The following RBPJ variants were observed in gnomAD, a reference collection of about 807,000 sequenced individuals.
The protein encoded by RBPJ is recombination signal binding protein for immunoglobulin kappa J region.
RBPJ carries 9 observed loss-of-function variants against 67.8 expected under a neutral mutation model. The observed-to-expected ratio is 0.13, with a 90% CI of 0.08 to 0.23. The LOEUF is 0.23. Among genes scored for constraint, RBPJ ranks in the 10% least tolerant of loss-of-function variants. The probability of loss-of-function intolerance (pLI) is 1.00; values close to 1 mark genes in which losing one functional copy is unlikely to be tolerated. For synonymous variants in RBPJ, 198 were observed against 203.3 expected, an observed-to-expected ratio of 0.97 and a Z score of 0.22; for missense variants, 305 against 595.6, an observed-to-expected ratio of 0.51 and a Z score of 5.08.
At chr4:26,190,926 A>T (rs1236191629) in intron 1 of RBPJ, among the ~76,000 whole-genome samples, 1 of 151,660 alleles carries the variant, frequency 6.6e-6, no homozygotes, top group Non-Finnish European at 1.5e-5. Context: ...CAGGAGGATC[A>T]CTTGAGCTCA....
At chr4:26,407,285 A>G (rs532862419) in intron 3 of RBPJ, among the ~76,000 whole-genome samples, 1 of 152,326 alleles carries the variant, frequency 6.6e-6, no homozygotes, top group African/African-American at 2.4e-5. Flanking sequence ...GATTATAAAG[A>G]AAACTCCTGG....
chr4:26,221,754 G>A (rs889718111), intron 1 of RBPJ, among the ~76,000 whole-genome samples: 6 of 152,198 alleles, frequency 3.9e-5, no homozygotes, highest in Non-Finnish European at 8.8e-5. Flanking sequence ...TCGGTAGGAT[G>A]ACCATAGTTA....
At chr4:26,309,848 G>T (rs1722366335) in intron 1 of RBPJ, among the ~76,000 whole-genome samples, 1 of 152,110 alleles carries the variant, frequency 6.6e-6, no homozygotes, top group South Asian at 2.1e-4. Flanking sequence ...GTTATAAAAA[G>T]AACAAATCTA....
At chr4:26,170,859 C>A (rs1448125144) in intron 1 of RBPJ, among the ~76,000 whole-genome samples, 1 of 152,196 alleles carries the variant, frequency 6.6e-6, no homozygotes, top group Non-Finnish European at 1.5e-5. Context: ...AATGCTTAAT[C>A]TTTCTGAACT....
chr4:26,140,626 C>CCCCCCA, the RBPJ span, among the ~76,000 whole-genome samples: 2 of 57,712 alleles, frequency 3.5e-5, no homozygotes, highest in Non-Finnish European at 8.7e-5. Context: ...AGCCGCCCCA[C>CCCCCCA]CCCCCCACCC....
chr4:26,120,102 G>T, the RBPJ span, among the ~76,000 whole-genome samples: 1 of 152,250 alleles, frequency 6.6e-6, no homozygotes, highest in Admixed American at 6.5e-5. Flanking sequence ...TGAGGCAGAA[G>T]CTGGAAGTGA....
intron 2 of RBPJ, among the ~76,000 whole-genome samples, chr4:26,397,092 C>G (rs1324703333): frequency 6.6e-6 from 1 of 152,242 alleles, no homozygotes; most frequent in Non-Finnish European, 1.5e-5. Context: ...AAATATCCCT[C>G]TCTTGAAGAT....
At chr4:26,257,953 T>A (rs948974499) in intron 1 of RBPJ, among the ~76,000 whole-genome samples, 4 of 152,222 alleles carry the variant, frequency 2.6e-5, no homozygotes, top group African/African-American at 9.6e-5. Context: ...AAAGTGTGTG[T>A]TTCTGCACAT....
At chr4:26,287,431 T>C (rs955301782) in intron 1 of RBPJ, among the ~76,000 whole-genome samples, 1 of 151,196 alleles carries the variant, frequency 6.6e-6, no homozygotes, top group East Asian at 2.0e-4. Flanking sequence ...CATGCTCCTG[T>C]AGTCCCAGTT....
chr4:26,234,830 T>C (rs1050222476), intron 1 of RBPJ, among the ~76,000 whole-genome samples: 4 of 152,158 alleles, frequency 2.6e-5, no homozygotes, highest in African/African-American at 7.2e-5. Flanking sequence ...GTAGCTGGGA[T>C]TACAGGCACA....
intron 1 of RBPJ, among the ~76,000 whole-genome samples, chr4:26,283,189 A>G (rs1399248803): frequency 6.9e-6 from 1 of 145,604 alleles, no homozygotes; most frequent in Non-Finnish European, 1.5e-5. Context: ...TCGGCCTCCC[A>G]AAGTGCTGGG....
chr4:26,270,361 GAA>G (rs1433318511), intron 1 of RBPJ, among the ~76,000 whole-genome samples: 18 of 17,568 alleles, frequency 1.0e-3, no homozygotes, highest in Admixed American at 2.0e-3. Context: ...GCAAGAGAAA[GAA>G]AGAAAGAAAG....
intron 1 of RBPJ, among the ~76,000 whole-genome samples, chr4:26,245,203 A>AT (rs869234645): frequency 0.035 from 3,457 of 98,334 alleles, 86 homozygotes; most frequent in African/African-American, 0.058. Context: ...TCACTATTGT[A>AT]TTTTTTTTTT....
intron 3 of RBPJ, among the ~76,000 whole-genome samples, chr4:26,414,314 C>T (rs965662304): frequency 6.6e-6 from 1 of 152,030 alleles, no homozygotes; most frequent in African/African-American, 2.4e-5. Flanking sequence ...GGACTATAGG[C>T]GCCTGCCACC....
intron 1 of RBPJ, among the ~76,000 whole-genome samples, chr4:26,174,361 T>C (rs576116413): frequency 6.6e-6 from 1 of 152,380 alleles, no homozygotes; most frequent in African/African-American, 2.4e-5. Context: ...CTCTGGCTAC[T>C]GTTAACCGAA....
At chr4:26,310,096 A>G (rs1722381229) in intron 1 of RBPJ, among the ~76,000 whole-genome samples, 1 of 152,226 alleles carries the variant, frequency 6.6e-6, no homozygotes, top group Non-Finnish European at 1.5e-5. Context: ...GCCAGGGCCA[A>G]AAAATCCTGT....
At chr4:26,420,928 T>A (rs1735071295) in intron 5 of RBPJ, 1 of 505,242 alleles carries the variant, frequency 2.0e-6, no homozygotes, top group Non-Finnish European at 3.5e-6. Flanking sequence ...GTTGGTTCCT[T>A]AATGCTCCCA....
At chr4:26,201,711 A>G (rs970588128) in intron 1 of RBPJ, among the ~76,000 whole-genome samples, 10 of 152,176 alleles carry the variant, frequency 6.6e-5, no homozygotes, top group African/African-American at 2.4e-4. Context: ...TGCAGTGCAA[A>G]CAGGCTATAT....
chr4:26,192,886 G>C (rs543419691), intron 1 of RBPJ, among the ~76,000 whole-genome samples: 2 of 152,298 alleles, frequency 1.3e-5, no homozygotes, highest in East Asian at 3.9e-4. Context: ...TTGCAGGTGT[G>C]ATTACATTAG....
Sources: allele counts gnomAD v4.1 joint callset (sites outside exome capture counted in the v4.1 genomes callset), GRCh38; gene constraint gnomAD v4.1.1; transcripts MANE v1.5; gene names NCBI Gene and HGNC (gene_info 2026-07-23, HGNC 2026-07-21).